GRM7: variants seen among roughly 807,000 people sequenced by gnomAD.
GRM7 encodes the protein metabotropic glutamate receptor 7.
In GRM7, 35 loss-of-function variants were observed where a neutral mutation model predicts 84.5. That is an observed-to-expected ratio of 0.41 (90% CI 0.32 to 0.55). GRM7 has a LOEUF of 0.55. GRM7 is among the 20% of genes least tolerant of loss of function. The probability of loss-of-function intolerance (pLI) is 0.19; values close to 1 mark genes in which losing one functional copy is unlikely to be tolerated. For missense variants in GRM7, 1,003 were observed against 1,194.6 expected, an observed-to-expected ratio of 0.84 and a Z score of 2.36; for synonymous variants, 487 against 455.1, an observed-to-expected ratio of 1.07 and a Z score of -0.89.
At chr3:7,106,342 T>C (rs1692640088) in intron 1 of GRM7, among the ~76,000 whole-genome samples, 1 of 151,908 alleles carries the variant, frequency 6.6e-6, no homozygotes, top group African/African-American at 2.4e-5. Flanking sequence ...TGCAGCCTTT[T>C]TTTTTCTTAT....
intron 1 of GRM7, among the ~76,000 whole-genome samples, chr3:6,882,566 A>G (rs1196594306): frequency 2.6e-5 from 4 of 152,180 alleles, no homozygotes; most frequent in African/African-American, 9.6e-5. Flanking sequence ...AATAAAAAGT[A>G]TAAATAACTT....
rs139760608 is a variant in GRM7, at chr3:7,735,088, A to G, written c.2699-5269A>G. Among the ~76,000 whole-genome samples, 698 of 152,336 alleles carry G rather than the reference A, an allele frequency of 4.6e-3. 11 individuals carry two copies. The highest frequency in any genetic ancestry group is 0.016 in the African/African-American group (661 of 41,576). Reference sequence around the variant, plus strand: ...CTTTTTATTTTAGTAACTGCAAACCATAATATAAAGAATCCCTCCCAGTTG... The same window carrying G: ...CTTTTTATTTTAGTAACTGCAAACCGTAATATAAAGAATCCCTCCCAGTTG... On this transcript the variant is annotated intron_variant, in intron 9 of 9. Coordinates refer to ENST00000357716, the MANE Select transcript of GRM7 (RefSeq NM_000844.4).
chr3:7,711,895 T>C (rs1701593369), intron 9 of GRM7, among the ~76,000 whole-genome samples: 1 of 152,218 alleles, frequency 6.6e-6, no homozygotes, highest in Admixed American at 6.5e-5. Context: ...CTGTACCCAC[T>C]TGAGCTACAC....
chr3:7,727,108 AT>A (rs1199382857), intron 9 of GRM7, among the ~76,000 whole-genome samples: 1 of 152,172 alleles, frequency 6.6e-6, no homozygotes, highest in African/African-American at 2.4e-5. Flanking sequence ...TGTACTAAAT[AT>A]TATTAACAAT....
chr3:7,134,232 T>C (rs1026004329), intron 1 of GRM7, among the ~76,000 whole-genome samples: 8 of 152,154 alleles, frequency 5.3e-5, no homozygotes, highest in Non-Finnish European at 8.8e-5. Flanking sequence ...AACTGCATGT[T>C]ACTGCTATTT....
Position 7,663,475 on chromosome 3 carries a change from C to T in GRM7, c.2452-16574C>T, listed in dbSNP as rs566605933. Among the ~76,000 whole-genome samples, 11 of 152,290 alleles carry T rather than the reference C, an allele frequency of 7.2e-5. No homozygotes were observed. The South Asian group carries it at 1.2e-3, about 17-fold the overall frequency. On this transcript the variant is annotated intron_variant, in intron 8 of 9. Coordinates refer to ENST00000357716, the MANE Select transcript of GRM7 (RefSeq NM_000844.4). ...CCAGCATCTGCACCAATAGATCCCTCGGTCCTCAAGGTGGAATGCCTCTGG... is the reference window on the plus strand; with the variant it reads ...CCAGCATCTGCACCAATAGATCCCTTGGTCCTCAAGGTGGAATGCCTCTGG...
At chr3:7,009,180 ACTT>A (rs575640092) in intron 1 of GRM7, among the ~76,000 whole-genome samples, 16 of 152,290 alleles carry the variant, frequency 1.1e-4, no homozygotes, top group African/African-American at 3.6e-4. Flanking sequence ...TGGTGCCTAA[ACTT>A]CTTCTCATCT....
rs1695741757 is a variant in GRM7 at position 7,020,619 on chromosome 3, C to CA, written c.520-125831dup. Among the ~76,000 whole-genome samples, 3 of 152,276 alleles carry CA rather than the reference C, an allele frequency of 2.0e-5. No individual in the cohort carries two copies. The South Asian group carries it at 6.2e-4, about 32-fold the overall frequency. On this transcript the variant is annotated intron_variant, in intron 1 of 9. Coordinates refer to ENST00000357716, the MANE Select transcript of GRM7 (RefSeq NM_000844.4). ...ATTAGTATACTTAATAAAGATATCA[C>CA]AATTCGAATGAATGTAATTGCAAAA...
intron 8 of GRM7, among the ~76,000 whole-genome samples, chr3:7,665,168 C>CCTTTTTTT (rs1699635051): frequency 9.8e-6 from 1 of 102,524 alleles, no homozygotes; most frequent in Admixed American, 1.0e-4. Context: ...GCCCATGATT[C>CCTTTTTTT]TTTTTTTTTT....
chr3:7,332,682 A>G (rs1701253290), intron 4 of GRM7, among the ~76,000 whole-genome samples: 1 of 152,188 alleles, frequency 6.6e-6, no homozygotes, highest in Non-Finnish European at 1.5e-5. Flanking sequence ...CACATTGTGA[A>G]CTTATGCTCC....
chr3:7,705,719 A>G (rs1701363915), intron 9 of GRM7, among the ~76,000 whole-genome samples: 2 of 152,186 alleles, frequency 1.3e-5, no homozygotes, highest in African/African-American at 4.8e-5. Context: ...ACTAGAGATA[A>G]GAGAGCCTCA....
chr3:7,398,497 T>G (rs546757462), intron 4 of GRM7, among the ~76,000 whole-genome samples: 1 of 152,094 alleles, frequency 6.6e-6, no homozygotes, highest in Non-Finnish European at 1.5e-5. Flanking sequence ...CCCTAAGATA[T>G]GGCAAGTTTC....
At chr3:7,261,505 T>A (rs1047785158) in intron 2 of GRM7, among the ~76,000 whole-genome samples, 33 of 152,304 alleles carry the variant, frequency 2.2e-4, no homozygotes, top group African/African-American at 7.9e-4. Context: ...GTGAGATGGG[T>A]CTCTTGAGGA....
At chr3:7,255,327 C>G (rs1698155419) in intron 2 of GRM7, among the ~76,000 whole-genome samples, 1 of 152,208 alleles carries the variant, frequency 6.6e-6, no homozygotes, top group African/African-American at 2.4e-5. Flanking sequence ...CTTGACTAAT[C>G]AACAGCTTTG....
At chr3:7,561,666 C>G (rs925259920) in intron 7 of GRM7, 5 of 411,312 alleles carry the variant, frequency 1.2e-5, no homozygotes, top group African/African-American at 1.0e-4. Flanking sequence ...GATAAGCACT[C>G]TATTTGTCTA....
chr3:7,089,001 T>G lies in GRM7; in HGVS notation c.520-57451T>G, dbSNP rs933873393. Among the ~76,000 whole-genome samples, 16 of 152,216 alleles carry G rather than the reference T, an allele frequency of 1.1e-4. 2 individuals are homozygous for G. Among genetic ancestry groups the G allele is most frequent in the Admixed American group, 5.2e-4 (8 of 15,292 alleles). The stretch of plus-strand genomic sequence containing the variant: ...CTGAGAAGAGAAAAGCCCAGTTTCT[T>G]CCAACCAAAAGCAAATGTCGATTAC... On this transcript the variant is annotated intron_variant, in intron 1 of 9. Transcript: ENST00000357716.
chr3:7,141,138 A>G (rs1405025440), intron 1 of GRM7, among the ~76,000 whole-genome samples: 1 of 152,078 alleles, frequency 6.6e-6, no homozygotes, highest in Non-Finnish European at 1.5e-5. Context: ...GTTTTTCTGG[A>G]AACTCTAGCT....
intron 8 of GRM7, among the ~76,000 whole-genome samples, chr3:7,624,091 T>C (rs1240609714): frequency 6.6e-6 from 1 of 152,136 alleles, no homozygotes; most frequent in East Asian, 1.9e-4. Flanking sequence ...CTCTATAATA[T>C]ACAGGAACTA....
intron 5 of GRM7, among the ~76,000 whole-genome samples, chr3:7,437,314 C>T (rs1697098269): frequency 6.6e-6 from 1 of 152,230 alleles, no homozygotes; most frequent in South Asian, 2.1e-4. Flanking sequence ...TTTTTGCACC[C>T]TCCTTTCTCT....
Sources: allele counts gnomAD v4.1 joint callset (sites outside exome capture counted in the v4.1 genomes callset), GRCh38; gene constraint gnomAD v4.1.1; transcripts MANE v1.5; gene names NCBI Gene and HGNC (gene_info 2026-07-23, HGNC 2026-07-21).